The following SPIDR variants were observed in gnomAD, a reference collection of about 807,000 sequenced individuals.
SPIDR encodes DNA repair-scaffolding protein.
In SPIDR, 93 loss-of-function variants were observed where a neutral mutation model predicts 104.6. The ratio of observed to expected loss-of-function variants is 0.89; its 90% confidence interval spans 0.75 to 1.06. The LOEUF (loss-of-function observed/expected upper bound fraction) is 1.06. SPIDR is among the 50% of genes least tolerant of loss of function. The pLI is 0.00. For missense variants in SPIDR, 1,154 were observed against 1,111.2 expected (o/e 1.04, Z -0.55); for synonymous variants, 431 against 416.9 (o/e 1.03, Z -0.41).
At chr8:47,677,090 C>T (rs2076540658) in intron 11 of SPIDR, among the ~76,000 whole-genome samples, 1 of 152,228 alleles carries the variant, frequency 6.6e-6, no homozygotes, top group South Asian at 2.1e-4. Flanking sequence ...GAACATGCAG[C>T]ATGGCCTGTG....
chr8:47,553,917 C>T (rs1008602195), intron 8 of SPIDR, among the ~76,000 whole-genome samples: 5 of 152,076 alleles, frequency 3.3e-5, no homozygotes, highest in African/African-American at 9.7e-5. Flanking sequence ...GGTGATGTAC[C>T]GATGGGGTTT....
At chr8:47,551,921 T>G (rs992370231) in intron 8 of SPIDR, among the ~76,000 whole-genome samples, 1 of 152,222 alleles carries the variant, frequency 6.6e-6, no homozygotes, top group African/African-American at 2.4e-5. Context: ...GCTGTAAGTT[T>G]CCCTCTACAC....
intron 10 of SPIDR, among the ~76,000 whole-genome samples, chr8:47,655,254 G>A (rs1335538136): frequency 6.6e-6 from 1 of 152,150 alleles, no homozygotes; most frequent in Admixed American, 6.5e-5. Context: ...TAATGGGATG[G>A]CTGGGTCAAA....
intron 5 of SPIDR, among the ~76,000 whole-genome samples, chr8:47,339,032 A>G (rs2087656): frequency 0.51 from 77,824 of 152,148 alleles, 23,970 homozygotes; most frequent in African/African-American, 0.87. Context: ...CTTCATGAGC[A>G]AGAGGTCACT....
intron 8 of SPIDR, 150 bp downstream of exon 8, chr8:47,440,692 A>G: frequency 2.8e-6 from 2 of 712,192 alleles, no homozygotes; most frequent in Non-Finnish European, 4.6e-6. Context: ...CTGTCAGAGA[A>G]GCACTGGATT....
intron 10 of SPIDR, among the ~76,000 whole-genome samples, chr8:47,652,386 A>G (rs567142744): frequency 2.0e-5 from 3 of 152,344 alleles, no homozygotes; most frequent in Admixed American, 2.0e-4. Context: ...CTGGGCACCC[A>G]GGTCCAGTGG....
At chr8:47,499,544 CTTT>C (rs759672744) in intron 8 of SPIDR, among the ~76,000 whole-genome samples, 8 of 131,034 alleles carry the variant, frequency 6.1e-5, no homozygotes, top group Non-Finnish European at 5.1e-5. Context: ...GGCAGCATTT[CTTT>C]TTTTTTTTTT....
At chr8:47,618,265 C>G (rs928515262) in intron 10 of SPIDR, among the ~76,000 whole-genome samples, 3 of 152,030 alleles carry the variant, frequency 2.0e-5, no homozygotes, top group Admixed American at 6.6e-5. Flanking sequence ...AAAGGCTTTT[C>G]CTGTCATCCT....
chr8:47,700,565 G>A lies in SPIDR; in HGVS notation c.1773+75G>A, dbSNP rs1304569271. The A allele has an allele frequency of 3.5e-6, 5 of 1,438,274 alleles. No homozygotes were observed. The African/African-American group carries it at 4.2e-5, about 12-fold the overall frequency. The allele number at this position is 1,438,274 out of a possible 1,614,324, so 89.1% of individuals were successfully genotyped here. ...AGGTGCCAAGCCAGGCGTCATCACTGTCACTCACATGGTCTGTGTCCCCTG... is the reference window on the plus strand; with the variant it reads ...AGGTGCCAAGCCAGGCGTCATCACTATCACTCACATGGTCTGTGTCCCCTG... On this transcript the variant is annotated intron_variant, in intron 12 of 19. Coordinates refer to ENST00000297423, the MANE Select transcript of SPIDR (RefSeq NM_001080394.4).
Position 47,667,440 on chromosome 8 carries a change from GAAAAA to G in SPIDR, c.1545-6340_1545-6336del, listed in dbSNP as rs528607871. On this transcript the variant is annotated intron_variant, in intron 10 of 19. Transcript: ENST00000297423. Reference sequence around the variant, plus strand: ...AGCAAGACCTCGTCTCTTCAAAAGGGAAAAAAAAAAAAAAAAAAAAAAAAAGCCAG... The same window carrying G: ...AGCAAGACCTCGTCTCTTCAAAAGGGAAAAAAAAAAAAAAAAAAAAGCCAG... Among the ~76,000 whole-genome samples the G allele has an allele frequency of 3.8e-4, 20 of 52,626 alleles. No individual in the cohort carries two copies. In the East Asian group the frequency reaches 7.7e-3, roughly 20 times the overall value. The allele number at this position is 52,626 out of a possible 152,430, so 34.5% of individuals were successfully genotyped here.
chr8:47,551,655 C>G (rs2090505109), intron 8 of SPIDR, among the ~76,000 whole-genome samples: 1 of 152,050 alleles, frequency 6.6e-6, no homozygotes, highest in African/African-American at 2.4e-5. Flanking sequence ...TCTGATTCTT[C>G]TCTCTTTTCT....
chr8:47,314,741 A>G (rs782483945), intron 5 of SPIDR, among the ~76,000 whole-genome samples: 2 of 152,222 alleles, frequency 1.3e-5, no homozygotes, highest in Non-Finnish European at 2.9e-5. Flanking sequence ...CAGCCAAACC[A>G]TATCAGGATG....
intron 5 of SPIDR, among the ~76,000 whole-genome samples, chr8:47,302,823 G>GTACC (rs1350689800): frequency 6.6e-6 from 1 of 152,192 alleles, no homozygotes; most frequent in Non-Finnish European, 1.5e-5. Flanking sequence ...TCTCAGAGGA[G>GTACC]TACCTGGCCA....
At chr8:47,637,630 G>C (rs548464070) in intron 10 of SPIDR, among the ~76,000 whole-genome samples, 1 of 152,316 alleles carries the variant, frequency 6.6e-6, no homozygotes, top group South Asian at 2.1e-4. Flanking sequence ...GATGAGATTG[G>C]AGTTATGTGA....
intron 8 of SPIDR, among the ~76,000 whole-genome samples, chr8:47,541,102 C>T (rs1447073213): frequency 2.0e-5 from 3 of 152,170 alleles, no homozygotes; most frequent in African/African-American, 7.2e-5. Context: ...TCAAGTGGTC[C>T]GCCTTCCTCG....
chr8:47,323,482 T>C (rs148202052), intron 5 of SPIDR, among the ~76,000 whole-genome samples: 32 of 152,314 alleles, frequency 2.1e-4, no homozygotes, highest in African/African-American at 7.5e-4. Context: ...TGCTCTAGCT[T>C]TTACTTTTTG....
chr8:47,595,087 G>A (rs957627685), intron 8 of SPIDR, among the ~76,000 whole-genome samples: 8 of 152,058 alleles, frequency 5.3e-5, no homozygotes, highest in African/African-American at 1.9e-4. Context: ...TAGCCTGTTG[G>A]TCTCTTCTCT....
intron 8 of SPIDR, among the ~76,000 whole-genome samples, chr8:47,488,991 G>A (rs1345376651): frequency 6.6e-6 from 1 of 152,196 alleles, no homozygotes; most frequent in Admixed American, 6.5e-5. Context: ...AGTGTTGGAA[G>A]TTCTGGCCAG....
chr8:47,428,063 C>T (rs1473578968), intron 7 of SPIDR, among the ~76,000 whole-genome samples: 2 of 152,236 alleles, frequency 1.3e-5, no homozygotes, highest in Non-Finnish European at 2.9e-5. Flanking sequence ...GTTGGGATTA[C>T]AGACGTGCGC....
Sources: allele counts gnomAD v4.1 joint callset (sites outside exome capture counted in the v4.1 genomes callset), GRCh38; gene constraint gnomAD v4.1.1; transcripts MANE v1.5; gene names NCBI Gene and HGNC (gene_info 2026-07-23, HGNC 2026-07-21).